The following CDC42BPA variants were observed in gnomAD, a reference collection of about 807,000 sequenced individuals.
The protein encoded by CDC42BPA is CDC42 binding protein kinase alpha.
Under a neutral mutation model 223.5 loss-of-function variants are expected in CDC42BPA, and 80 were observed. That is an observed-to-expected ratio of 0.36 (90% CI 0.30 to 0.43). CDC42BPA has a LOEUF of 0.43. CDC42BPA is among the 20% of genes least tolerant of loss of function. The pLI is 1.00. For synonymous variants in CDC42BPA, 694 were observed against 718.6 expected, an observed-to-expected ratio of 0.97 and a Z score of 0.55; for missense variants, 1,743 against 2,099.9, an observed-to-expected ratio of 0.83 and a Z score of 3.32.
chr1:227,116,816 G>A (rs962279274), intron 12 of CDC42BPA, among the ~76,000 whole-genome samples: 1 of 152,164 alleles, frequency 6.6e-6, no homozygotes, highest in Admixed American at 6.5e-5. Flanking sequence ...CCTTCTGGAG[G>A]TTATGTGTTT....
intron 2 of CDC42BPA, among the ~76,000 whole-genome samples, chr1:227,227,834 T>TAA (rs35103092): frequency 0.03 from 4,554 of 151,472 alleles, 202 homozygotes; most frequent in African/African-American, 0.1. Context: ...AGGTCCATAT[T>TAA]AAAAAAAAAT....
chr1:227,265,269 C>T, intron 1 of CDC42BPA: 1 of 521,310 alleles, frequency 1.9e-6, no homozygotes, highest in East Asian at 3.3e-5. Context: ...AGCTGTGAGA[C>T]CTTGAGAAGT....
At chr1:227,199,739 C>G in intron 3 of CDC42BPA, 87 bp from the exon 4 acceptor site, 1 of 685,594 alleles carries the variant, frequency 1.5e-6, no homozygotes, top group Non-Finnish European at 2.5e-6. Flanking sequence ...TATATTATTT[C>G]TGTTCTGGAA....
intron 3 of CDC42BPA, among the ~76,000 whole-genome samples, chr1:227,207,452 T>C (rs548136569): frequency 2.3e-3 from 345 of 149,460 alleles, no homozygotes; most frequent in Non-Finnish European, 4.4e-3. Flanking sequence ...GCCATGCTGG[T>C]GCGCTGCACC....
chr1:227,086,646 A>G (rs745418959), intron 16 of CDC42BPA, among the ~76,000 whole-genome samples: 1 of 151,530 alleles, frequency 6.6e-6, no homozygotes, highest in African/African-American at 2.4e-5. Flanking sequence ...GTTACCCATT[A>G]AAACACTGAG....
intron 12 of CDC42BPA, among the ~76,000 whole-genome samples, chr1:227,118,949 G>T (rs1688199557): frequency 6.6e-6 from 1 of 151,936 alleles, no homozygotes; most frequent in Non-Finnish European, 1.5e-5. Context: ...TAGTCCTTTT[G>T]ATTAGTTTCA....
intron 16 of CDC42BPA, among the ~76,000 whole-genome samples, chr1:227,090,592 C>A (rs1454277995): frequency 1.3e-5 from 2 of 152,092 alleles, no homozygotes; most frequent in Non-Finnish European, 2.9e-5. Context: ...GGGCGGATTG[C>A]TTGAGGTCAG....
intron 1 of CDC42BPA, among the ~76,000 whole-genome samples, chr1:227,273,875 A>C (rs11588249): frequency 6.9e-6 from 1 of 145,414 alleles, no homozygotes; most frequent in Non-Finnish European, 1.5e-5. Context: ...AAAAAAAAAC[A>C]CAAATAACCC....
At chr1:227,100,781 T>TGTGTGTGTGC (rs1488030733) in intron 15 of CDC42BPA, among the ~76,000 whole-genome samples, 2 of 149,788 alleles carry the variant, frequency 1.3e-5, no homozygotes, top group Non-Finnish European at 3.0e-5. Context: ...TGTGTGTGCG[T>TGTGTGTGTGC]GTGCCATCAT....
intron 2 of CDC42BPA, among the ~76,000 whole-genome samples, chr1:227,232,761 CCTT>C (rs984402616): frequency 1.3e-5 from 2 of 152,168 alleles, no homozygotes; most frequent in African/African-American, 4.8e-5. Context: ...GCTGTCTGAT[CCTT>C]CTTCTGGAAG....
chr1:227,102,531 T>A (rs1178415883), intron 14 of CDC42BPA, among the ~76,000 whole-genome samples: 1 of 152,180 alleles, frequency 6.6e-6, no homozygotes, highest in Non-Finnish European at 1.5e-5. Flanking sequence ...TAGTTTGATG[T>A]TCTGTTTATT....
intron 29 of CDC42BPA, among the ~76,000 whole-genome samples, 173 bp from the exon 30 acceptor site, chr1:227,029,423 A>G (rs1668839370): frequency 6.6e-6 from 1 of 152,228 alleles, no homozygotes; most frequent in South Asian, 2.1e-4. Flanking sequence ...TAACTCACCT[A>G]TAGTACGTAT....
chr1:227,047,221 T>TG (rs1418071522), intron 23 of CDC42BPA, among the ~76,000 whole-genome samples: 2 of 152,182 alleles, frequency 1.3e-5, no homozygotes, highest in African/African-American at 4.8e-5. Flanking sequence ...AACTACCTTA[T>TG]CCTGCCTCAT....
intron 1 of CDC42BPA, among the ~76,000 whole-genome samples, chr1:227,267,436 A>G (rs1558910345): frequency 6.6e-6 from 1 of 152,192 alleles, no homozygotes; most frequent in Non-Finnish European, 1.5e-5. Flanking sequence ...TTAAGCATTT[A>G]AAAAATGTAC....
At chr1:227,194,294 C>A (rs1346879126) in intron 4 of CDC42BPA, among the ~76,000 whole-genome samples, 1 of 151,750 alleles carries the variant, frequency 6.6e-6, no homozygotes, top group Admixed American at 6.6e-5. Flanking sequence ...CCCAAAAAAA[C>A]AATGAAAGAA....
intron 11 of CDC42BPA, among the ~76,000 whole-genome samples, chr1:227,123,031 CATG>C (rs1394736374): frequency 1.3e-5 from 2 of 152,088 alleles, no homozygotes; most frequent in African/African-American, 4.8e-5. Context: ...GGCCGGGCAC[CATG>C]GTTCATGCCT....
intron 5 of CDC42BPA, among the ~76,000 whole-genome samples, chr1:227,187,027 A>G (rs1487868495): frequency 2.0e-5 from 3 of 152,234 alleles, no homozygotes; most frequent in Non-Finnish European, 4.4e-5. Flanking sequence ...CAGAATGTAT[A>G]TTCAAGGCAA....
At chr1:227,103,058 A>G (rs1685317691) in intron 14 of CDC42BPA, among the ~76,000 whole-genome samples, 1 of 152,126 alleles carries the variant, frequency 6.6e-6, no homozygotes, top group Non-Finnish European at 1.5e-5. Flanking sequence ...TACATCGAGT[A>G]AATTCAGAAA....
At chr1:227,312,787 T>G (rs541022205) in intron 1 of CDC42BPA, among the ~76,000 whole-genome samples, 1 of 137,098 alleles carries the variant, frequency 7.3e-6, no homozygotes, top group East Asian at 2.2e-4. Context: ...GGGGCAGACT[T>G]CCCCTTTGTG....
Sources: gnomAD v4.1 joint callset for allele counts (sites outside exome capture counted in the v4.1 genomes callset) on GRCh38, gnomAD v4.1.1 for gene constraint, MANE v1.5 for transcripts, NCBI Gene and HGNC (gene_info 2026-07-23, HGNC 2026-07-21) for gene names.